Variants in ST6GALNAC3 observed in about 807,000 individuals in gnomAD.
The protein encoded by ST6GALNAC3 is alpha-N-acetylgalactosaminide alpha-2,6-sialyltransferase 3.
A neutral mutation model predicts 32.7 loss-of-function variants in ST6GALNAC3; 25 were observed. The ratio of observed to expected loss-of-function variants is 0.76; its 90% confidence interval spans 0.56 to 1.07. The LOEUF (loss-of-function observed/expected upper bound fraction) is 1.07, where lower values mean the gene tolerates loss of function less well. Among genes scored for constraint, ST6GALNAC3 ranks in the 50% least tolerant of loss-of-function variants. ST6GALNAC3 has a pLI of 0.00. For synonymous variants in ST6GALNAC3, 129 were observed against 133.1 expected (o/e 0.97, Z 0.21); for missense variants, 355 against 382.4 (o/e 0.93, Z 0.60).
chr1:76,504,517 A>G (rs1372426902), intron 3 of ST6GALNAC3, among the ~76,000 whole-genome samples: 1 of 152,164 alleles, frequency 6.6e-6, no homozygotes, highest in African/African-American at 2.4e-5. Context: ...AACAGTCAAC[A>G]TGGCTCCAAT....
chr1:76,184,447 G>A (rs917888697), intron 1 of ST6GALNAC3, among the ~76,000 whole-genome samples: 2 of 151,666 alleles, frequency 1.3e-5, no homozygotes, highest in African/African-American at 4.8e-5. Flanking sequence ...GCCGAGGCAG[G>A]AGAATTGCTT....
At chr1:76,141,209 T>G (rs1423427591) in intron 1 of ST6GALNAC3, among the ~76,000 whole-genome samples, 1 of 152,190 alleles carries the variant, frequency 6.6e-6, no homozygotes, top group African/African-American at 2.4e-5. Context: ...AATGCTGAGT[T>G]GCAGCACCCT....
intron 3 of ST6GALNAC3, among the ~76,000 whole-genome samples, chr1:76,598,075 C>A (rs1055108833): frequency 3.9e-5 from 6 of 152,210 alleles, no homozygotes; most frequent in African/African-American, 1.4e-4. Context: ...TGGTGAGGAC[C>A]TGCTTCTTAG....
intron 3 of ST6GALNAC3, among the ~76,000 whole-genome samples, chr1:76,553,373 C>G (rs956937294): frequency 1.4e-4 from 21 of 152,188 alleles, no homozygotes; most frequent in Non-Finnish European, 2.2e-4. Flanking sequence ...CTAGAATCTC[C>G]TCTGAAGTAC....
At chr1:76,587,277 G>T (rs1057144171) in intron 3 of ST6GALNAC3, among the ~76,000 whole-genome samples, 2 of 152,154 alleles carry the variant, frequency 1.3e-5, no homozygotes, top group Non-Finnish European at 2.9e-5. Flanking sequence ...GGAGTCCAGG[G>T]ATTGGCAGAA....
intron 1 of ST6GALNAC3, among the ~76,000 whole-genome samples, chr1:76,136,677 C>T (rs1434589251): frequency 6.6e-6 from 1 of 152,144 alleles, no homozygotes; most frequent in Non-Finnish European, 1.5e-5. Context: ...GCATTTGACC[C>T]CGAAATCATA....
At chr1:76,202,761 T>A (rs1654605512) in intron 1 of ST6GALNAC3, among the ~76,000 whole-genome samples, 2 of 152,152 alleles carry the variant, frequency 1.3e-5, no homozygotes, top group Admixed American at 1.3e-4. Context: ...AAGCAAGTCA[T>A]CTGTATATAG....
At chr1:76,114,177 A>G (rs146188080) in intron 1 of ST6GALNAC3, among the ~76,000 whole-genome samples, 126 of 152,094 alleles carry the variant, frequency 8.3e-4, no homozygotes, top group African/African-American at 2.8e-3. Context: ...AACAGCATGC[A>G]TTACCTAATC....
At chr1:76,438,316 TA>T (rs1553197502) in intron 3 of ST6GALNAC3, among the ~76,000 whole-genome samples, 1 of 152,128 alleles carries the variant, frequency 6.6e-6, no homozygotes, top group Non-Finnish European at 1.5e-5. Flanking sequence ...CGTGCCCGGC[TA>T]ATTTTTTGTA....
In ST6GALNAC3 at chr1:76,419,406, G is replaced by A. The variant is rs144997581; in HGVS notation, c.623+6989G>A. On this transcript the variant is annotated intron_variant, in intron 3 of 4. Coordinates refer to ENST00000328299, the MANE Select transcript of ST6GALNAC3 (RefSeq NM_152996.4). ...AAAGGCAAAAGTAGGCCTTAAATGG[G>A]AAGCTTCATTAAAATGTATACAGAC... is the stretch of plus-strand genomic sequence containing the variant. 2.4e-3 allele frequency among the ~76,000 whole-genome samples: 366 copies of A among 152,214 alleles called. 2 individuals carry two copies. The highest frequency in any genetic ancestry group is 0.01 in the Middle Eastern group (3 of 294).
chr1:76,075,776 A>G (rs2100706368), intron 1 of ST6GALNAC3, among the ~76,000 whole-genome samples: 1 of 152,218 alleles, frequency 6.6e-6, no homozygotes, highest in East Asian at 1.9e-4. Flanking sequence ...AAACATGAAC[A>G]GCATGAAAGT....
At chr1:76,432,034 TC>T (rs1238801035) in intron 3 of ST6GALNAC3, among the ~76,000 whole-genome samples, 3 of 152,220 alleles carry the variant, frequency 2.0e-5, no homozygotes, top group African/African-American at 7.2e-5. Flanking sequence ...CTTTTTACTT[TC>T]TAATTGTTTT....
intron 3 of ST6GALNAC3, among the ~76,000 whole-genome samples, chr1:76,485,355 A>C (rs1272192468): frequency 2.6e-5 from 4 of 152,006 alleles, no homozygotes; most frequent in African/African-American, 9.7e-5. Flanking sequence ...CTGGTCCTGG[A>C]CTTTTTTTGG....
In ST6GALNAC3 at chr1:76,495,914, G is replaced by A. The variant is rs973150315; in HGVS notation, c.623+83497G>A. On this transcript the variant is annotated intron_variant, in intron 3 of 4. Transcript: ENST00000328299. ...GGAGGAAACCTTCCAATTGAGTTTT[G>A]AGTTTAAGTAACAAGTTTTGCTCAT... Among the ~76,000 whole-genome samples the A allele has an allele frequency of 1.4e-4, 22 of 152,138 alleles. 1 individual carries two copies. The highest frequency in any genetic ancestry group is 1.4e-3 in the Admixed American group (21 of 15,260).
chr1:76,464,432 A>G (rs1658490423), intron 3 of ST6GALNAC3, among the ~76,000 whole-genome samples: 1 of 152,196 alleles, frequency 6.6e-6, no homozygotes, highest in Non-Finnish European at 1.5e-5. Flanking sequence ...TTCATTGTTA[A>G]TTACCTAGTT....
At chr1:76,571,155 T>C (rs1021810940) in intron 3 of ST6GALNAC3, among the ~76,000 whole-genome samples, 16 of 152,278 alleles carry the variant, frequency 1.1e-4, no homozygotes, top group African/African-American at 3.6e-4. Flanking sequence ...CTATCTCCTA[T>C]CTGTGTACGT....
intron 3 of ST6GALNAC3, among the ~76,000 whole-genome samples, chr1:76,467,067 G>A (rs927050397): frequency 4.0e-5 from 6 of 151,862 alleles, no homozygotes; most frequent in African/African-American, 7.3e-5. Context: ...TCAAGGATTC[G>A]GAGAATTGGC....
intron 3 of ST6GALNAC3, among the ~76,000 whole-genome samples, chr1:76,620,120 C>T (rs192811672): frequency 1.2e-4 from 19 of 152,118 alleles, no homozygotes; most frequent in Admixed American, 7.9e-4. Context: ...ACATGCCTCG[C>T]ACCTAGAAAG....
intron 1 of ST6GALNAC3, among the ~76,000 whole-genome samples, chr1:76,122,905 G>A (rs745462384): frequency 1.3e-5 from 2 of 152,194 alleles, no homozygotes; most frequent in Admixed American, 6.5e-5. Flanking sequence ...TTGCTCTGGA[G>A]GAGCTTGTAG....
Sources: allele counts gnomAD v4.1 joint callset (sites outside exome capture counted in the v4.1 genomes callset), GRCh38; gene constraint gnomAD v4.1.1; transcripts MANE v1.5; gene names NCBI Gene and HGNC (gene_info 2026-07-23, HGNC 2026-07-21).